NHS: variants seen among roughly 807,000 people sequenced by gnomAD.
NHS encodes the protein actin remodeling regulator NHS.
In NHS, 5 loss-of-function variants were observed where a neutral mutation model predicts 72.5. The ratio of observed to expected loss-of-function variants is 0.07; its 90% CI spans 0.04 to 0.14. The LOEUF (loss-of-function observed/expected upper bound fraction) is 0.14, where lower values mean the gene tolerates loss of function less well. Ranked by LOEUF, NHS falls within the 10% of genes least tolerant of loss-of-function variation. The pLI is 1.00. For missense variants in NHS, 1,072 were observed against 1,355.7 expected (o/e 0.79, Z 3.29); for synonymous variants, 464 against 547.7 (o/e 0.85, Z 2.13).
At chrX:17,568,489 C>T (rs191847869) in intron 1 of NHS, among the ~76,000 whole-genome samples, 1 of 108,657 alleles carries the variant, frequency 9.2e-6, no homozygotes, top group East Asian at 2.9e-4. Flanking sequence ...TTCTCTTTAG[C>T]AGTATGTGCT....
rs186285634 is a variant in NHS at position 17,620,980 on chromosome X, G to A, written c.566-66762G>A. 2.0e-3 allele frequency among the ~76,000 whole-genome samples: 222 copies of A among 111,956 alleles called. 1 individual carries two copies. Among genetic ancestry groups the A allele is most frequent in the Non-Finnish European group, 3.2e-3 (170 of 53,171 alleles). On this transcript the variant is annotated intron_variant, in intron 1 of 8. Coordinates refer to ENST00000676302, the MANE Select transcript of NHS (RefSeq NM_001291867.2). ...TTCCAGAGTCTGGATTTAAGTCAGA[G>A]AGCAATGGGTAGCCATGAGAGAGAT...
intron 1 of NHS, among the ~76,000 whole-genome samples, chrX:17,390,656 TTAAA>T (rs2064440337): frequency 8.9e-6 from 1 of 112,137 alleles, no homozygotes; most frequent in Non-Finnish European, 1.9e-5. Context: ...ATCACTTGTG[TTAAA>T]TGCCTTTGGT....
intron 1 of NHS, chrX:17,585,818 A>G (rs1418018345): frequency 9.4e-6 from 1 of 106,095 alleles, no homozygotes. Context: ...CTGATGGAAG[A>G]TCGATTGAGG....
chrX:17,462,153 A>G lies in NHS; in HGVS notation c.565+85831A>G, dbSNP rs144190283. On this transcript the variant is annotated intron_variant, in intron 1 of 8. Coordinates refer to ENST00000676302, the MANE Select transcript of NHS (RefSeq NM_001291867.2). ...TTTAAATAATTATCCACCAAGTTAGAGAGTATAATAGCGACAAGGTCAGCC... is the reference window on the plus strand; with the variant it reads ...TTTAAATAATTATCCACCAAGTTAGGGAGTATAATAGCGACAAGGTCAGCC... Among the ~76,000 whole-genome samples the G allele has an allele frequency of 5.3e-3, 587 of 111,656 alleles. 2 individuals are homozygous for G. Among genetic ancestry groups the G allele is most frequent in the Non-Finnish European group, 8.7e-3 (460 of 53,172 alleles).
intron 1 of NHS, among the ~76,000 whole-genome samples, chrX:17,619,895 G>A (rs2065764613): frequency 9.0e-6 from 1 of 111,449 alleles, no homozygotes; most frequent in African/African-American, 3.3e-5. Flanking sequence ...CTCACTGGCT[G>A]GTAATGTCTA....
chrX:17,730,303 T>C (rs1226616158), intron 8 of NHS, among the ~76,000 whole-genome samples: 1 of 112,651 alleles, frequency 8.9e-6, no homozygotes, highest in Non-Finnish European at 1.9e-5. Context: ...CTATGCAGTC[T>C]TGAGTAAGTT....
intron 1 of NHS, among the ~76,000 whole-genome samples, chrX:17,477,314 G>T (rs1451029404): frequency 2.7e-5 from 3 of 111,598 alleles, no homozygotes; most frequent in Non-Finnish European, 5.6e-5. Flanking sequence ...TCCAAGCAAA[G>T]GAAATAGTAA....
intron 2 of NHS, among the ~76,000 whole-genome samples, chrX:17,690,751 T>C (rs549472305): frequency 3.6e-5 from 4 of 111,220 alleles, no homozygotes; most frequent in African/African-American, 6.5e-5. Context: ...CAGGGAGGGT[T>C]TTGTGGAGGA....
intron 2 of NHS, among the ~76,000 whole-genome samples, chrX:17,688,574 C>CCATTCCCTA (rs1228130435): frequency 2.7e-5 from 3 of 111,392 alleles, no homozygotes; most frequent in Non-Finnish European, 3.8e-5. Context: ...TCTAATGCCC[C>CCATTCCCTA]CATTCTTTAG....
chrX:17,522,002 A>G (rs182144788), intron 1 of NHS, among the ~76,000 whole-genome samples: 2 of 112,066 alleles, frequency 1.8e-5, no homozygotes, highest in African/African-American at 6.5e-5. Flanking sequence ...AGCAGCCCGC[A>G]TGCTCAGCCC....
At chrX:17,376,578 G>A (rs2064348505) in intron 1 of NHS, among the ~76,000 whole-genome samples, 1 of 112,594 alleles carries the variant, frequency 8.9e-6, no homozygotes, top group African/African-American at 3.2e-5. Flanking sequence ...TGAAGTCGCA[G>A]GCAGCGTGGG....
intron 1 of NHS, among the ~76,000 whole-genome samples, chrX:17,415,432 C>T (rs1318485485): frequency 9.0e-6 from 1 of 110,882 alleles, no homozygotes; most frequent in Non-Finnish European, 1.9e-5. Flanking sequence ...TTTCCTTATC[C>T]CTTTTCCCCT....
At chrX:17,568,808 G>A (rs755293896) in intron 1 of NHS, among the ~76,000 whole-genome samples, 1 of 108,575 alleles carries the variant, frequency 9.2e-6, no homozygotes, top group East Asian at 2.9e-4. Flanking sequence ...TGATGTTATC[G>A]CTCCCCTAGC....
intron 1 of NHS, among the ~76,000 whole-genome samples, chrX:17,409,374 G>GTT (rs61181196): frequency 2.3e-4 from 22 of 97,221 alleles, no homozygotes; most frequent in Middle Eastern, 5.4e-3. Flanking sequence ...CTTCCATTAT[G>GTT]TTTTTTTTTT....
chrX:17,383,602 G>A (rs1469106579), intron 1 of NHS, among the ~76,000 whole-genome samples: 1 of 112,009 alleles, frequency 8.9e-6, no homozygotes, highest in African/African-American at 3.2e-5. Context: ...AGAGTGAAGG[G>A]GGAAGTGCTA....
intron 1 of NHS, among the ~76,000 whole-genome samples, chrX:17,434,264 A>G (rs868479369): frequency 9.0e-6 from 1 of 111,494 alleles, no homozygotes; most frequent in Middle Eastern, 4.6e-3. Context: ...GTTTGGTGGA[A>G]AACTAGTCAA....
intron 1 of NHS, among the ~76,000 whole-genome samples, chrX:17,420,965 T>C (rs758773334): frequency 1.8e-5 from 2 of 111,049 alleles, no homozygotes; most frequent in Non-Finnish European, 3.8e-5. Context: ...AAAATGGAAA[T>C]AAGAAATATA....
At chrX:17,563,657 A>G (rs752431472) in intron 1 of NHS, among the ~76,000 whole-genome samples, 1 of 112,056 alleles carries the variant, frequency 8.9e-6, no homozygotes, top group African/African-American at 3.2e-5. Flanking sequence ...TTTAACCACA[A>G]AAGCCTCATA....
intron 1 of NHS, among the ~76,000 whole-genome samples, chrX:17,383,856 C>T (rs932224948): frequency 1.2e-4 from 13 of 112,073 alleles, no homozygotes; most frequent in African/African-American, 3.9e-4. Flanking sequence ...GGGAGAGCTT[C>T]AGTGCTTCAG....
Sources: allele counts gnomAD v4.1 joint callset (sites outside exome capture counted in the v4.1 genomes callset), GRCh38; gene constraint gnomAD v4.1.1; transcripts MANE v1.5; gene names NCBI Gene and HGNC (gene_info 2026-07-23, HGNC 2026-07-21).